GTF2A1L: variants seen among roughly 807,000 people sequenced by gnomAD.
GTF2A1L encodes the protein TFIIA-alpha and beta-like factor.
GTF2A1L carries 48 observed loss-of-function variants against 49.7 expected under a neutral mutation model. That is an observed-to-expected ratio of 0.97 (90% CI 0.77 to 1.23). The LOEUF is 1.23. Ranked by LOEUF, GTF2A1L falls within the 50% of genes most tolerant of loss-of-function variation. GTF2A1L has a pLI of 0.00. For synonymous variants in GTF2A1L, 246 were observed against 193.5 expected (o/e 1.27, Z -2.25); for missense variants, 736 against 564.8 (o/e 1.30, Z -3.07).
rs575524896 is a variant in GTF2A1L, at chr2:48,623,095, A to G, written c.247+1805A>G. Among the ~76,000 whole-genome samples, 28 of 152,292 alleles carry G rather than the reference A, an allele frequency of 1.8e-4. No individual in the cohort carries two copies. In the East Asian group the frequency reaches 3.7e-3, roughly 20 times the overall value. ...AATGAAGAGGTTTCAGAGGAATTACATGTATCCCTTAAAAGTGCTTTATAG... is the reference window on the plus strand; with the variant it reads ...AATGAAGAGGTTTCAGAGGAATTACGTGTATCCCTTAAAAGTGCTTTATAG... On this transcript the variant is annotated intron_variant, in intron 3 of 8. Transcript: ENST00000403751.
At chr2:48,623,164 A>G (rs1174690162) in intron 3 of GTF2A1L, among the ~76,000 whole-genome samples, 1 of 152,162 alleles carries the variant, frequency 6.6e-6, no homozygotes, top group East Asian at 1.9e-4. Flanking sequence ...AAACAGTAAG[A>G]TTCTTGAAAT....
chr2:48,620,807 A>G, intron 1 of GTF2A1L, 44 bp from the exon 2 acceptor site: 2 of 1,061,986 alleles, frequency 1.9e-6, no homozygotes, highest in Non-Finnish European at 2.4e-6. Flanking sequence ...ATAAATAAAT[A>G]AATAAATAAA....
chr2:48,631,675 C>T (rs1232854482), intron 3 of GTF2A1L, among the ~76,000 whole-genome samples: 3 of 151,784 alleles, frequency 2.0e-5, no homozygotes, highest in South Asian at 2.1e-4. Flanking sequence ...TGTTTCACTC[C>T]GATTGTAGTT....
chr2:48,677,076 T>C (rs182180630), intron 8 of GTF2A1L, among the ~76,000 whole-genome samples: 1 of 152,068 alleles, frequency 6.6e-6, no homozygotes, highest in African/African-American at 2.4e-5. Flanking sequence ...TTCCATTGGT[T>C]TGTCTGTCCA....
At position 48,659,891 on chromosome 2, in the gene GTF2A1L, T is replaced by G. The variant is rs112328613; in HGVS notation, c.979-9831T>G. On this transcript the variant is annotated intron_variant, in intron 6 of 8. Transcript: ENST00000403751. Reference sequence around the variant, plus strand: ...TGTGTGTCTGTGTGTATGGAAACTTTAGAATTTTCTACATATAAAGGCATA... The same window carrying G: ...TGTGTGTCTGTGTGTATGGAAACTTGAGAATTTTCTACATATAAAGGCATA... 8.0e-4 allele frequency among the ~76,000 whole-genome samples: 122 copies of G among 152,306 alleles called. 1 individual carries two copies. Among genetic ancestry groups the G allele is most frequent in the African/African-American group, 2.8e-3 (116 of 41,584 alleles).
chr2:48,621,416 A>G (rs1048462521), intron 3 of GTF2A1L, 126 bp downstream of exon 3: 128 of 1,309,220 alleles, frequency 9.8e-5, no homozygotes, highest in Non-Finnish European at 1.3e-4. Flanking sequence ...AATCATTTCT[A>G]TTAAATGAAC....
chr2:48,674,781 T>A (rs1679375875), intron 8 of GTF2A1L, among the ~76,000 whole-genome samples: 1 of 152,172 alleles, frequency 6.6e-6, no homozygotes, highest in Admixed American at 6.6e-5. Context: ...TTGCGGTGTT[T>A]TATCATATAT....
intron 6 of GTF2A1L, among the ~76,000 whole-genome samples, chr2:48,666,584 GGTGTGT>G (rs113492704): frequency 0.021 from 3,149 of 147,124 alleles, 112 homozygotes; most frequent in African/African-American, 0.073. Context: ...AACTTGTCAG[GGTGTGT>G]GTGTGTGTGT....
intron 6 of GTF2A1L, among the ~76,000 whole-genome samples, chr2:48,669,081 C>T (rs1679029583): frequency 1.3e-5 from 2 of 152,192 alleles, no homozygotes; most frequent in Middle Eastern, 3.4e-3. Context: ...TTCAGTGGTA[C>T]TAAGTACATT....
At position 48,669,924 on chromosome 2, in the gene GTF2A1L, AG is replaced by A; in HGVS notation, c.1183del (p.Asp395IlefsTer14). The A allele has an allele frequency of 6.2e-7, 1 of 1,614,138 alleles. No homozygotes were observed. Among genetic ancestry groups the A allele is most frequent in the Non-Finnish European group, 8.5e-7 (1 of 1,180,022 alleles). On this transcript the variant is annotated frameshift_variant, in exon 7 of 9. Transcript: ENST00000403751. LOFTEE classifies it high-confidence loss of function. ...PEEEADSISNEDSATNSSDNE... is the reference protein window; with the variant it reads ...PEEEADSISNXDSATNSSDNE... ...GAAGAAGCTGACAGTATTTCAAATG[AG>A]GATTCAGCCACAAACAGTAGTGATA...
chr2:48,641,288 C>T (rs1456186451), intron 3 of GTF2A1L, among the ~76,000 whole-genome samples: 1 of 152,088 alleles, frequency 6.6e-6, no homozygotes, highest in Non-Finnish European at 1.5e-5. Flanking sequence ...TAAGCAAGGT[C>T]GTAGATGAAC....
At chr2:48,644,086 A>T (rs1213822591) in intron 4 of GTF2A1L, among the ~76,000 whole-genome samples, 2 of 152,308 alleles carry the variant, frequency 1.3e-5, no homozygotes, top group East Asian at 3.9e-4. Flanking sequence ...CAAAAGGATC[A>T]CTTGAGCCTC....
At chr2:48,670,284 C>T (rs998622351) in intron 7 of GTF2A1L, among the ~76,000 whole-genome samples, 3 of 151,946 alleles carry the variant, frequency 2.0e-5, no homozygotes, top group South Asian at 2.1e-4. Flanking sequence ...AACCCAGCTA[C>T]TCAGGAGACT....
chr2:48,621,439 A>C, intron 3 of GTF2A1L, 149 bp downstream of exon 3: 3 of 1,024,848 alleles, frequency 2.9e-6, no homozygotes, highest in East Asian at 3.0e-5. Flanking sequence ...AGTATAAATC[A>C]TTGCCCCATG....
At chr2:48,617,934 T>C (rs775922292) in intron 1 of GTF2A1L, 39 bp downstream of exon 1, 4 of 1,548,546 alleles carry the variant, frequency 2.6e-6, no homozygotes, top group Non-Finnish European at 3.5e-6. Flanking sequence ...GGGAGCGCCC[T>C]GGGACTCCGG....
chr2:48,619,425 G>T (rs530658233), intron 1 of GTF2A1L, among the ~76,000 whole-genome samples: 2 of 150,288 alleles, frequency 1.3e-5, no homozygotes, highest in Non-Finnish European at 3.0e-5. Flanking sequence ...GGCCCAGATT[G>T]TGCTACCGTA....
chr2:48,653,304 A>T (rs960133024), intron 6 of GTF2A1L, among the ~76,000 whole-genome samples: 2 of 151,978 alleles, frequency 1.3e-5, no homozygotes, highest in African/African-American at 2.4e-5. Flanking sequence ...TTTAAAAGGT[A>T]GCTTTTAGAT....
At chr2:48,656,344 TTC>T (rs1179874517) in intron 6 of GTF2A1L, among the ~76,000 whole-genome samples, 13 of 136,892 alleles carry the variant, frequency 9.5e-5, no homozygotes, top group Non-Finnish European at 1.7e-4. Flanking sequence ...AACGCTTATT[TTC>T]TGTTTTTTTT....
At chr2:48,653,835 A>G (rs578166298) in intron 6 of GTF2A1L, among the ~76,000 whole-genome samples, 5 of 145,100 alleles carry the variant, frequency 3.4e-5, no homozygotes, top group African/African-American at 1.3e-4. Context: ...TGGGAGGCTG[A>G]GGCATGAGAG....
Sources: allele counts gnomAD v4.1 joint callset (sites outside exome capture counted in the v4.1 genomes callset), GRCh38; gene constraint gnomAD v4.1.1; transcripts MANE v1.5; gene names NCBI Gene and HGNC (gene_info 2026-07-23, HGNC 2026-07-21).